The following MIER1 variants were observed in gnomAD, a reference collection of about 807,000 sequenced individuals.
MIER1 encodes MIER1 transcriptional regulator, also known as mesoderm induction early response protein 1.
A neutral mutation model predicts 75.7 loss-of-function variants in MIER1; 40 were observed. The ratio of observed to expected loss-of-function variants is 0.53; its 90% CI spans 0.41 to 0.69. MIER1 has a LOEUF of 0.69. Ranked by LOEUF, MIER1 falls within the 30% of genes least tolerant of loss-of-function variation. The pLI, the probability that MIER1 is intolerant of heterozygous loss-of-function variation, is 0.00. For synonymous variants in MIER1, 213 were observed against 223.4 expected, an observed-to-expected ratio of 0.95 and a Z score of 0.42; for missense variants, 574 against 680.2, an observed-to-expected ratio of 0.84 and a Z score of 1.74.
chr1:66,979,763 C>CTT lies in MIER1; in HGVS notation c.1230-2002_1230-2001dup, dbSNP rs1223242870. On this transcript the variant is annotated intron_variant, in intron 12 of 13. Coordinates refer to ENST00000401041, the MANE Select transcript of MIER1 (RefSeq NM_001077700.3). ...TCAACTCTTGTTTCCTTTGCCTTGG[C>CTT]TTTTTTTTTTTTTTTAAAGACGGAG... Among the ~76,000 whole-genome samples, 892 of 138,708 alleles carry CTT rather than the reference C, an allele frequency of 6.4e-3. 7 individuals are homozygous for CTT. Among genetic ancestry groups the CTT allele is most frequent in the African/African-American group, 0.021 (812 of 37,948 alleles). 91.0% of individuals were successfully genotyped at this position (138,708 alleles called of 152,430 possible).
Position 66,986,290 on chromosome 1 carries a change from ATTTTAT to A in MIER1, c.*1396_*1401del, listed in dbSNP as rs1666770837. 6.8e-7 allele frequency: 1 copy of A among 1,469,042 alleles called. No homozygotes were observed. The highest frequency in any genetic ancestry group is 8.9e-7 in the Non-Finnish European group (1 of 1,117,392). 91.0% of individuals were successfully genotyped at this position (1,469,042 alleles called of 1,614,324 possible). ...ATCTGCATAGCCTTGTAAAAGTGCC[ATTTTAT>A]TTTTAGTGCTAAATTCTTGTTAAAT... On this transcript the variant is annotated 3_prime_UTR_variant, in exon 14 of 14. Coordinates refer to ENST00000401041, the MANE Select transcript of MIER1 (RefSeq NM_001077700.3).
At chr1:66,956,247 C>G (rs981289664) in intron 4 of MIER1, among the ~76,000 whole-genome samples, 1 of 152,052 alleles carries the variant, frequency 6.6e-6, no homozygotes, top group Non-Finnish European at 1.5e-5. Context: ...CATGGTGAAA[C>G]CCTTCTCTAT....
intron 3 of MIER1, among the ~76,000 whole-genome samples, chr1:66,943,564 G>A (rs976920740): frequency 2.7e-5 from 4 of 148,050 alleles, no homozygotes; most frequent in African/African-American, 1.0e-4. Context: ...GTTTCCTTTC[G>A]TTTCCTTTCC....
chr1:66,937,599 AAAAG>A (rs1341643240), intron 2 of MIER1, among the ~76,000 whole-genome samples: 1 of 152,040 alleles, frequency 6.6e-6, no homozygotes, highest in Non-Finnish European at 1.5e-5. Context: ...AAAAGAAAAG[AAAAG>A]AAAATGTGTA....
chr1:66,975,040 A>G (rs1451605835), intron 11 of MIER1, among the ~76,000 whole-genome samples: 1 of 152,212 alleles, frequency 6.6e-6, no homozygotes, highest in Non-Finnish European at 1.5e-5. Context: ...TGTCAGTCTC[A>G]GAGCAATATG....
chr1:66,981,437 T>C (rs1665856201), intron 12 of MIER1, among the ~76,000 whole-genome samples: 1 of 152,212 alleles, frequency 6.6e-6, no homozygotes, highest in Non-Finnish European at 1.5e-5. Flanking sequence ...AGAAATTCTT[T>C]TGTACTTTTA....
chr1:66,957,976 A>G (rs138057210), intron 4 of MIER1, 83 bp from the exon 5 acceptor site: 89 of 778,772 alleles, frequency 1.1e-4, no homozygotes, highest in Admixed American at 5.9e-4. Context: ...TATAGAATGA[A>G]TACTCCACAG....
intron 12 of MIER1, among the ~76,000 whole-genome samples, chr1:66,981,247 G>T (rs1308382731): frequency 6.6e-6 from 1 of 152,088 alleles, no homozygotes; most frequent in Non-Finnish European, 1.5e-5. Flanking sequence ...AAAGTGACAG[G>T]ATAAAACCAG....
rs768917211 is a variant in MIER1 at position 66,984,693 on chromosome 1, T to C, written c.1491T>C (p.Asn497=). ...KKPLHADMDT[N]GYETDNLTTD... ...CACTTCATGCAGATATGGATACTAA[T>C]GGTTATGAAACAGATAACCTTACCA... Residue 497 remains asparagine (N), a synonymous_variant, in exon 14 of 14, where the codon AAT becomes AAC. Coordinates refer to ENST00000401041, the MANE Select transcript of MIER1 (RefSeq NM_001077700.3). The C allele has an allele frequency of 1.1e-5, 17 of 1,613,860 alleles. No homozygotes were observed. In the Admixed American group the frequency reaches 2.3e-4, roughly 22 times the overall value.
chr1:66,984,616 G>T lies in MIER1; in HGVS notation c.1414G>T (p.Val472Leu), dbSNP rs762325914. ...GPGEILNKEE[V>L]KVEGLHINGP... ...AGGTGAAATATTAAACAAAGAGGAA[G>T]TAAAAGTTGAAGGGTTACACATTAA... Residue 472 changes from valine (V) to leucine (L), a missense_variant, in exon 14 of 14, where the codon GTA (valine) becomes TTA (leucine). Physicochemically the swap from Val to Leu is conservative, Grantham distance 32 (BLOSUM62 1). This residue lies in a region of MIER1 where 164 missense variants were observed against 154.3 expected (regional missense o/e 1.06). Transcript: ENST00000401041. 2 of 1,609,862 alleles carry T rather than the reference G, an allele frequency of 1.2e-6. No individual in the cohort carries two copies.
chr1:66,972,617 G>A (rs1663931943), intron 10 of MIER1, among the ~76,000 whole-genome samples: 1 of 151,970 alleles, frequency 6.6e-6, no homozygotes, highest in Non-Finnish European at 1.5e-5. Flanking sequence ...AAAGAACATG[G>A]CAAATTTAAG....
At chr1:66,983,022 A>C (rs1171842575) in intron 13 of MIER1, among the ~76,000 whole-genome samples, 1 of 152,216 alleles carries the variant, frequency 6.6e-6, no homozygotes, top group African/African-American at 2.4e-5. Context: ...TTAACACCAA[A>C]TCATTTTCTT....
At chr1:66,930,480 GCC>G (rs1652915036) in intron 2 of MIER1, 4 of 1,435,982 alleles carry the variant, frequency 2.8e-6, no homozygotes, top group Admixed American at 4.4e-5. Context: ...AGTGGGCCTG[GCC>G]AGGAGAGGCC....
At chr1:66,962,535 T>C (rs1661463903) in intron 7 of MIER1, among the ~76,000 whole-genome samples, 1 of 152,086 alleles carries the variant, frequency 6.6e-6, no homozygotes, top group African/African-American at 2.4e-5. Flanking sequence ...AGTTTCCCAT[T>C]AGCTGTGTGT....
intron 11 of MIER1, 37 bp downstream of exon 11, chr1:66,973,028 T>G: frequency 8.8e-7 from 1 of 1,134,210 alleles, no homozygotes. Context: ...AAAAAGAAAT[T>G]TAGTTGAACA....
intron 12 of MIER1, among the ~76,000 whole-genome samples, chr1:66,981,188 AC>A (rs1237477334): frequency 1.3e-5 from 2 of 152,220 alleles, no homozygotes; most frequent in Non-Finnish European, 2.9e-5. Context: ...AACCACAGTT[AC>A]GTAGTTCAGG....
intron 7 of MIER1, among the ~76,000 whole-genome samples, chr1:66,962,358 G>A (rs1661419474): frequency 6.6e-6 from 1 of 152,112 alleles, no homozygotes; most frequent in Non-Finnish European, 1.5e-5. Flanking sequence ...CCCCTACTGA[G>A]CTTTATACAA....
At chr1:66,953,596 CTTT>C (rs56012776) in intron 4 of MIER1, among the ~76,000 whole-genome samples, 2 of 134,664 alleles carry the variant, frequency 1.5e-5, no homozygotes, top group Non-Finnish European at 3.2e-5. Flanking sequence ...TTTTCTTTTC[CTTT>C]TTTTTTTTTT....
intron 10 of MIER1, among the ~76,000 whole-genome samples, chr1:66,972,515 T>C (rs1663911976): frequency 6.6e-6 from 1 of 151,822 alleles, no homozygotes; most frequent in Admixed American, 6.6e-5. Context: ...ATATTTTTGT[T>C]GGGATGCAAA....
Sources: allele counts gnomAD v4.1 joint callset (sites outside exome capture counted in the v4.1 genomes callset), GRCh38; gene constraint gnomAD v4.1.1; regional missense constraint gnomAD v4.1.1; transcripts MANE v1.5; gene names NCBI Gene and HGNC (gene_info 2026-07-23, HGNC 2026-07-21).